SMARCA4: variants seen among roughly 807,000 people sequenced by gnomAD.
SMARCA4 encodes the protein SWI/SNF-related matrix-associated actin-dependent regulator of chromatin subfamily A member 4.
Under a neutral mutation model 193.9 loss-of-function variants are expected in SMARCA4, and 31 were observed. The observed-to-expected ratio is 0.16, with a 90% CI of 0.12 to 0.22. The LOEUF (loss-of-function observed/expected upper bound fraction) is 0.22. Ranked by LOEUF, SMARCA4 falls within the 10% of genes least tolerant of loss-of-function variation. SMARCA4 has a pLI of 1.00. For missense variants in SMARCA4, 1,148 were observed against 2,296.0 expected (o/e 0.50, Z 10.22); for synonymous variants, 942 against 933.1 (o/e 1.01, Z -0.17).
chr19:11,047,232 G>A (rs1346257118), intron 30 of SMARCA4, among the ~76,000 whole-genome samples: 1 of 152,048 alleles, frequency 6.6e-6, no homozygotes, highest in Non-Finnish European at 1.5e-5. Flanking sequence ...ATCAACCAAG[G>A]CAAGAGATGT....
intron 29 of SMARCA4, among the ~76,000 whole-genome samples, chr19:11,039,092 C>T (rs1024729089): frequency 3.3e-5 from 5 of 152,116 alleles, no homozygotes; most frequent in African/African-American, 1.2e-4. Context: ...GTGACACATG[C>T]CTGTAATCCC....
intron 1 of SMARCA4, chr19:10,961,555 G>T (rs982836879): frequency 6.6e-6 from 1 of 152,204 alleles, no homozygotes; most frequent in Non-Finnish European, 1.5e-5. Context: ...GGCTTTTCTG[G>T]CTGCGTGGTA....
chr19:10,962,445 C>G (rs1010854584), intron 1 of SMARCA4, among the ~76,000 whole-genome samples: 1 of 152,054 alleles, frequency 6.6e-6, no homozygotes, highest in Non-Finnish European at 1.5e-5. Flanking sequence ...TGAACCTGCA[C>G]TGTGAGAGGG....
chr19:11,062,126 G>C lies in SMARCA4; in HGVS notation c.*310G>C, dbSNP rs953627079. On this transcript the variant is annotated 3_prime_UTR_variant, in exon 35 of 35. Coordinates refer to ENST00000344626, the MANE Select transcript of SMARCA4 (RefSeq NM_003072.5). ...CAGTACTGTTGCGCCGCAGTTTGGA[G>C]TCACTGTAGTTAAGTGTGGATGCAT... 2.0e-6 allele frequency: 1 copy of C among 490,078 alleles called. No individual in the cohort carries two copies. The highest frequency in any genetic ancestry group is 1.9e-5 in the African/African-American group (1 of 52,024). The allele number at this position is 490,078 out of a possible 1,614,324, so 30.4% of individuals were successfully genotyped here.
chr19:11,058,170 A>T lies in SMARCA4; in HGVS notation c.4425-85A>T. 1.2e-6 allele frequency: 1 copy of T among 856,812 alleles called. No individual in the cohort carries two copies. The highest frequency in any genetic ancestry group is 2.0e-6 in the Non-Finnish European group (1 of 506,188). 53.1% of individuals were successfully genotyped at this position (856,812 alleles called of 1,614,324 possible). A position where few individuals can be genotyped will look rare whatever the true frequency, so the allele number is the denominator to read the frequency against. ...AGCTGAGTTGGAATTTCTCATCCTT[A>T]AACAATGTGGGAACCTGCTGAGGTG... On this transcript the variant is annotated intron_variant, in intron 30 of 34. Coordinates refer to ENST00000344626, the MANE Select transcript of SMARCA4 (RefSeq NM_003072.5). The surrounding 1 kb of genome is among the most constrained non-coding windows in gnomAD (Gnocchi z 5.8).
chr19:11,060,294 G>T, intron 34 of SMARCA4, 107 bp downstream of exon 34: 12 of 1,378,450 alleles, frequency 8.7e-6, no homozygotes, highest in Non-Finnish European at 1.0e-5. Context: ...CCACGCTGCA[G>T]GTGGGAAAGC....
intron 1 of SMARCA4, among the ~76,000 whole-genome samples, chr19:10,977,455 C>T (rs112243292): frequency 2.6e-5 from 4 of 152,002 alleles, no homozygotes; most frequent in African/African-American, 9.7e-5. Flanking sequence ...TCCCGAGTAG[C>T]TGGCATTACA....
In SMARCA4 at chr19:11,021,480, T is replaced by C. The variant is rs561044831; in HGVS notation, c.2617-245T>C. ...CCAGATTGCTTTTTTGCAATTTGCA[T>C]TGTTCACCTGCCAATAGTCATGGGG... On this transcript the variant is annotated intron_variant, in intron 18 of 34. Coordinates refer to ENST00000344626, the MANE Select transcript of SMARCA4 (RefSeq NM_003072.5). 247 of 627,498 alleles carry C rather than the reference T, an allele frequency of 3.9e-4. 2 individuals carry two copies. Among genetic ancestry groups the C allele is most frequent in the South Asian group, 3.8e-3 (238 of 62,332 alleles). The allele number at this position is 627,498 out of a possible 1,614,324, so 38.9% of individuals were successfully genotyped here.
At chr19:10,978,790 T>C (rs1021204551) in intron 1 of SMARCA4, among the ~76,000 whole-genome samples, 5 of 150,742 alleles carry the variant, frequency 3.3e-5, no homozygotes, top group Non-Finnish European at 5.9e-5. Flanking sequence ...AATATATATA[T>C]ATATATATTT....
At position 10,984,181 on chromosome 19, in the gene SMARCA4, A is replaced by G. The variant is rs2085803986; in HGVS notation, c.30A>G (p.Gly10=). 6.2e-7 allele frequency: 1 copy of G among 1,613,442 alleles called. No homozygotes were observed. Among genetic ancestry groups the G allele is most frequent in the Non-Finnish European group, 8.5e-7 (1 of 1,179,806 alleles). MSTPDPPLG[G]TPRPGPSPGP... The stretch of plus-strand genomic sequence containing the variant: ...CCACTCCAGACCCACCCCTGGGCGG[A>G]ACTCCTCGGCCAGGTCCTTCCCCGG... The change falls in exon 2 of 35, where the codon GGA becomes GGG. Residue 10 remains glycine, a synonymous_variant. Transcript: ENST00000344626. The surrounding 1 kb of genome is among the most constrained non-coding windows in gnomAD (Gnocchi z 4.3).
In SMARCA4 at chr19:11,030,568, C is replaced by T. The variant is rs1428319049; in HGVS notation, c.3383-162C>T. 3.3e-5 allele frequency among the ~76,000 whole-genome samples: 5 copies of T among 152,228 alleles called. No homozygotes were observed. Among genetic ancestry groups the T allele is most frequent in the Non-Finnish European group, 4.4e-5 (3 of 68,042 alleles). On this transcript the variant is annotated intron_variant, in intron 24 of 34. Coordinates refer to ENST00000344626, the MANE Select transcript of SMARCA4 (RefSeq NM_003072.5). The surrounding 1 kb of genome is among the most constrained non-coding windows in gnomAD (Gnocchi z 5.5). ...GTGAAACACTGGAAATCCAGTTATT[C>T]GCCAGTGGCCCACAGGCCCGTGTGG... is the stretch of plus-strand genomic sequence containing the variant.
At chr19:10,966,896 A>G (rs968323858) in intron 1 of SMARCA4, among the ~76,000 whole-genome samples, 3 of 146,184 alleles carry the variant, frequency 2.1e-5, no homozygotes, top group African/African-American at 7.5e-5. Flanking sequence ...TCTACAAAAG[A>G]AAAAAAAAAA....
At chr19:11,018,919 G>A (rs745362643) in intron 16 of SMARCA4, 38 bp from the exon 17 acceptor site, 1 of 1,578,252 alleles carries the variant, frequency 6.3e-7, no homozygotes, top group Non-Finnish European at 8.7e-7. Flanking sequence ...CCATTGATGA[G>A]AGACCGGCAC....
Position 10,984,427 on chromosome 19 carries a change from A to C in SMARCA4, c.222+54A>C. 6.4e-7 allele frequency: 1 copy of C among 1,550,484 alleles called. No individual in the cohort carries two copies. The highest frequency in any genetic ancestry group is 8.7e-7 in the Non-Finnish European group (1 of 1,147,342). The stretch of plus-strand genomic sequence containing the variant: ...TGCGGCCTCTGCCCACTAGGGCTGC[A>C]GGCAGCCTCTGGACCGAGGGCCTTA... On this transcript the variant is annotated intron_variant, in intron 2 of 34. Transcript: ENST00000344626. This position sits in a 1 kb window ranked among gnomAD's most constrained non-coding sequence, Gnocchi z 4.3.
At position 10,979,294 on chromosome 19, in the gene SMARCA4, C is replaced by T. The variant is rs183066625; in HGVS notation, c.-31-4827C>T. 1.4e-3 allele frequency among the ~76,000 whole-genome samples: 210 copies of T among 152,228 alleles called. 1 individual carries two copies. The highest frequency in any genetic ancestry group is 1.5e-3 in the Non-Finnish European group (102 of 68,032). On this transcript the variant is annotated intron_variant, in intron 1 of 34. Transcript: ENST00000344626. ...ATGCATGTGTTCACCAAATGACTCT[C>T]ATAGCAGCTTGATTTGTGCTGGCCA...
At chr19:10,992,064 T>C (rs1421635753) in intron 8 of SMARCA4, among the ~76,000 whole-genome samples, 1 of 152,150 alleles carries the variant, frequency 6.6e-6, no homozygotes, top group Non-Finnish European at 1.5e-5. Context: ...AATATCTTAT[T>C]GGTGTAGTGT....
At chr19:11,043,259 A>C (rs1160589313) in intron 30 of SMARCA4, among the ~76,000 whole-genome samples, 1 of 152,220 alleles carries the variant, frequency 6.6e-6, no homozygotes, top group African/African-American at 2.4e-5. Flanking sequence ...AGTGCACTCC[A>C]GCCTGGGGGA....
intron 14 of SMARCA4, among the ~76,000 whole-genome samples, chr19:11,009,526 T>A (rs2088603858): frequency 6.6e-6 from 1 of 152,092 alleles, no homozygotes; most frequent in Admixed American, 6.5e-5. Flanking sequence ...GACAGCATTC[T>A]ATTTGTTGTT....
In SMARCA4 at chr19:11,041,661, CTCTT is replaced by C; in HGVS notation, c.4424+104_4424+107del. ...TGCACACTCAGGCTTGGGCCGCTCA[CTCTT>C]TCACTCATCCACAAACACTGACTGA... On this transcript the variant is annotated intron_variant, in intron 30 of 34. Transcript: ENST00000344626. This position sits in a 1 kb window ranked among gnomAD's most constrained non-coding sequence, Gnocchi z 5.6. 1 of 992,594 alleles carries C rather than the reference CTCTT, an allele frequency of 1.0e-6. No individual in the cohort carries two copies. The highest frequency in any genetic ancestry group is 1.5e-6 in the Non-Finnish European group (1 of 664,774). The allele number at this position is 992,594 out of a possible 1,614,324, so 61.5% of individuals were successfully genotyped here.
Sources: allele counts gnomAD v4.1 joint callset (sites outside exome capture counted in the v4.1 genomes callset), GRCh38; gene constraint gnomAD v4.1.1; non-coding constraint Gnocchi (gnomAD v3.1); transcripts MANE v1.5; gene names NCBI Gene and HGNC (gene_info 2026-07-23, HGNC 2026-07-21).